Variants in SCNN1D observed in about 807,000 individuals in gnomAD.
SCNN1D encodes the protein epithelial sodium channel subunit delta.
A neutral mutation model predicts 87.8 loss-of-function variants in SCNN1D; 104 were observed. The ratio of observed to expected loss-of-function variants is 1.18; its 90% CI spans 1.01 to 1.39. The LOEUF (loss-of-function observed/expected upper bound fraction) is 1.39. Among genes scored for constraint, SCNN1D ranks in the 40% most tolerant of loss-of-function variants. The pLI, the probability that SCNN1D is intolerant of heterozygous loss-of-function variation, is 0.00. For missense variants in SCNN1D, 1,324 were observed against 1,093.9 expected (o/e 1.21, Z -2.97); for synonymous variants, 628 against 481.2 (o/e 1.31, Z -3.99).
chr1:1,291,468 C>T lies in SCNN1D; in HGVS notation c.2267C>T (p.Pro756Leu), dbSNP rs548049700. 2 of 1,608,528 alleles carry T rather than the reference C, an allele frequency of 1.2e-6. No homozygotes were observed. The highest frequency in any genetic ancestry group is 1.3e-5 in the African/African-American group (1 of 74,974). ...SSIKPEASQM[P>L]PPAGGTSDDP... Reference sequence around the variant, plus strand: ...ATCAAGCCAGAGGCCAGTCAGATGCCCCCGCCTGCAGGCGGCACGTCAGAT... The same window carrying T: ...ATCAAGCCAGAGGCCAGTCAGATGCTCCCGCCTGCAGGCGGCACGTCAGAT... The change falls in exon 18 of 18, where the codon CCC becomes CTC. Residue 756 changes from proline (P) to leucine (L), a missense_variant. Physicochemically the swap from Pro to Leu is moderately conservative, Grantham distance 98. Coordinates refer to ENST00000379116, the MANE Select transcript of SCNN1D (RefSeq NM_001130413.4).
chr1:1,282,183 G>C lies in SCNN1D; in HGVS notation c.278-59G>C. 5 of 1,001,312 alleles carry C rather than the reference G, an allele frequency of 5.0e-6. No homozygotes were observed. The East Asian group carries it at 1.3e-4, about 26-fold the overall frequency. The allele number at this position is 1,001,312 out of a possible 1,614,324, so 62.0% of individuals were successfully genotyped here. The stretch of plus-strand genomic sequence containing the variant: ...TCTGGCACTCAAGGAAATCAGCTCA[G>C]AGAGGTTGAGTAACTCGGGAAGGCC... On this transcript the variant is annotated intron_variant, in intron 3 of 17. Coordinates refer to ENST00000379116, the MANE Select transcript of SCNN1D (RefSeq NM_001130413.4).
chr1:1,288,059 G>A lies in SCNN1D; in HGVS notation c.1662+22G>A, dbSNP rs1162818788. ...GCAGGTGAGGCTGGGCTGGCAGGGG[G>A]TGCGGGGGCAGGTGAGGCTGGGCTG... On this transcript the variant is annotated intron_variant, in intron 12 of 17. Transcript: ENST00000379116. The A allele has an allele frequency of 1.2e-5, 18 of 1,499,734 alleles. No homozygotes were observed. In the Admixed American group the frequency reaches 1.9e-4, roughly 16 times the overall value. The allele number at this position is 1,499,734 out of a possible 1,614,324, so 92.9% of individuals were successfully genotyped here.
intron 15 of SCNN1D, 58 bp downstream of exon 15, chr1:1,290,752 C>T (rs997397238): frequency 1.3e-6 from 2 of 1,599,936 alleles, no homozygotes; most frequent in East Asian, 2.2e-5. Context: ...CCCACAGGTC[C>T]CACAGAGCCC....
In SCNN1D at chr1:1,288,360, CT is replaced by C. The variant is rs1640675126; in HGVS notation, c.1662+324del. 1.6e-4 allele frequency among the ~76,000 whole-genome samples: 9 copies of C among 57,192 alleles called. 1 individual carries two copies. The highest frequency in any genetic ancestry group is 1.9e-4 in the Admixed American group (1 of 5,354). The allele number at this position is 57,192 out of a possible 152,430, so 37.5% of individuals were successfully genotyped here. ...CTCTGCCCCGTCCCCCGTGTCTCTGCTCCGTCCCGTGTCCCTGCTCCGTCCC... is the reference window on the plus strand; with the variant it reads ...CTCTGCCCCGTCCCCCGTGTCTCTGCCCGTCCCGTGTCCCTGCTCCGTCCC... On this transcript the variant is annotated intron_variant, in intron 12 of 17. Transcript: ENST00000379116.
rs1290143256 is a variant in SCNN1D at position 1,281,260 on chromosome 1, C to T, written c.40C>T (p.Arg14Cys). ...GTCACAGAAGACAACACCGCTCCCT[C>T]GTTACCTGTGGCCCGGCCACCTCAG... ...VLSQKTTPLP[R>C]YLWPGHLSGP... Residue 14 changes from arginine to cysteine, a missense_variant, in exon 2 of 18, where the codon CGT becomes TGT. Arg to Cys is a radical substitution (Grantham distance 180, BLOSUM62 -3). Transcript: ENST00000379116. 12 of 1,535,744 alleles carry T rather than the reference C, an allele frequency of 7.8e-6. No individual in the cohort carries two copies. The highest frequency in any genetic ancestry group is 1.7e-4 in the Middle Eastern group (1 of 5,952).
Position 1,288,266 on chromosome 1 carries a change from T to C in SCNN1D, c.1662+229T>C, listed in dbSNP as rs1428294399. Among the ~76,000 whole-genome samples the C allele has an allele frequency of 2.4e-3, 253 of 107,276 alleles. 4 individuals are homozygous for C. In the East Asian group the frequency reaches 0.047, roughly 20 times the overall value. 70.4% of individuals were successfully genotyped at this position (107,276 alleles called of 152,430 possible). A position where few individuals can be genotyped will look rare whatever the true frequency, so the allele number is the denominator to read the frequency against. The stretch of plus-strand genomic sequence containing the variant: ...GTGTCTCTGCTCCGTCCCGTGTCTC[T>C]GCTCCGTCCCCCGAGTCTCTGCTCC... On this transcript the variant is annotated intron_variant, in intron 12 of 17. Transcript: ENST00000379116.
In SCNN1D at chr1:1,291,407, T is replaced by A; in HGVS notation, c.2206T>A (p.Trp736Arg). Residue 736 changes from tryptophan (W) to arginine (R), a missense_variant, in exon 18 of 18, where the codon TGG becomes AGG. Trp to Arg is a moderately radical substitution (Grantham distance 101). Transcript: ENST00000379116. ...GRRLRRAWFS[W>R]PRASPASGAS... Reference sequence around the variant, plus strand: ...CCGGCTCCGCAGGGCGTGGTTCTCCTGGCCCAGAGCCAGCCCTGCCTCAGG... The same window carrying A: ...CCGGCTCCGCAGGGCGTGGTTCTCCAGGCCCAGAGCCAGCCCTGCCTCAGG... The A allele has an allele frequency of 6.2e-7, 1 of 1,608,190 alleles. No individual in the cohort carries two copies. The highest frequency in any genetic ancestry group is 8.5e-7 in the Non-Finnish European group (1 of 1,178,164).
In SCNN1D at chr1:1,291,150, G is replaced by T. The variant is rs756872882; in HGVS notation, c.2052+10G>T. 5.0e-5 allele frequency: 80 copies of T among 1,610,624 alleles called. No individual in the cohort carries two copies. Among genetic ancestry groups the T allele is most frequent in the Non-Finnish European group, 6.6e-5 (78 of 1,179,130 alleles). ...GGCGCCCGTGTACTCGGTGAGCCTT[G>T]GCCCCCTGCCTGGGCTAGAGCGGGG... On this transcript the variant is annotated intron_variant, in intron 17 of 17. Coordinates refer to ENST00000379116, the MANE Select transcript of SCNN1D (RefSeq NM_001130413.4).
rs140544860 is a variant in SCNN1D at position 1,290,374 on chromosome 1, G to T, written c.1766G>T (p.Arg589Leu). The stretch of plus-strand genomic sequence containing the variant: ...GGGGCTGAGTACTGCAGCTCTGCCC[G>T]GCACCCTGCCTGGGGTGAGTCCTGC... Reference protein sequence around the residue: ...PAGAEYCSSARHPAWGHCFYR... With the variant: ...PAGAEYCSSALHPAWGHCFYR... The change falls in exon 13 of 18, where the codon CGG (arginine) becomes CTG (leucine). Residue 589 changes from arginine (R) to leucine (L), a missense_variant. Arg to Leu is a moderately radical substitution (Grantham distance 102, BLOSUM62 -2). Transcript: ENST00000379116. The T allele has an allele frequency of 6.2e-7, 1 of 1,601,344 alleles. No homozygotes were observed. Among genetic ancestry groups the T allele is most frequent in the African/African-American group, 1.3e-5 (1 of 74,822 alleles).
intron 7 of SCNN1D, among the ~76,000 whole-genome samples, 173 bp from the exon 8 acceptor site, chr1:1,286,595 C>T (rs1047096236): frequency 6.6e-6 from 1 of 152,082 alleles, no homozygotes; most frequent in South Asian, 2.1e-4. Flanking sequence ...GGCTGGGCTC[C>T]GGGGCCGACC....
chr1:1,287,185 T>A lies in SCNN1D; in HGVS notation c.1196T>A (p.Phe399Tyr). ...GCGGCTGTCCAGGACTGGTACCACT[T>A]CCACTATGTGGATATCCTGGCCCTG... ...GVAAVQDWYHFHYVDILALLP... is the reference protein window; with the variant it reads ...GVAAVQDWYHYHYVDILALLP... Residue 399 changes from phenylalanine (F) to tyrosine (Y), a missense_variant, in exon 9 of 18, where the codon TTC becomes TAC. Transcript: ENST00000379116. The A allele has an allele frequency of 6.2e-7, 1 of 1,612,244 alleles. No homozygotes were observed. Among genetic ancestry groups the A allele is most frequent in the African/African-American group, 1.3e-5 (1 of 75,028 alleles).
intron 4 of SCNN1D, among the ~76,000 whole-genome samples, chr1:1,283,612 T>G (rs1282439817): frequency 1.3e-5 from 2 of 152,188 alleles, no homozygotes; most frequent in East Asian, 3.9e-4. Context: ...GCAGGAGAAT[T>G]GCTTCAACTC....
rs561509392 is a variant in SCNN1D at position 1,289,515 on chromosome 1, G to GTC, written c.1663-754_1663-753dup. ...CCCGTGTCTCTGCTCCGTCCCCCGT[G>GTC]TCTGCTCCGTCCCGTGTCCCTGCTC... On this transcript the variant is annotated intron_variant, in intron 12 of 17. Transcript: ENST00000379116. 0.016 allele frequency among the ~76,000 whole-genome samples: 14 copies of GTC among 862 alleles called. 5 individuals carry two copies. In the East Asian group the frequency reaches 0.4, roughly 25 times the overall value. The allele number at this position is 862 out of a possible 152,430, so 0.6% of individuals were successfully genotyped here.
At position 1,283,959 on chromosome 1, in the gene SCNN1D, G is replaced by A. The variant is rs956471201; in HGVS notation, c.352-19G>A. On this transcript the variant is annotated intron_variant, in intron 4 of 17. Coordinates refer to ENST00000379116, the MANE Select transcript of SCNN1D (RefSeq NM_001130413.4). ...CGCCTGCAGCACAGTCCCACGCCCAGCCAGCCTGTTTTAAATAGGAGGCCA... is the reference window on the plus strand; with the variant it reads ...CGCCTGCAGCACAGTCCCACGCCCAACCAGCCTGTTTTAAATAGGAGGCCA... The A allele has an allele frequency of 1.7e-5, 25 of 1,430,526 alleles. No individual in the cohort carries two copies. The highest frequency in any genetic ancestry group is 6.1e-5 in the African/African-American group (4 of 65,280). The allele number at this position is 1,430,526 out of a possible 1,614,324, so 88.6% of individuals were successfully genotyped here.
In SCNN1D at chr1:1,285,760, G is replaced by A. The variant is rs1362771405; in HGVS notation, c.558+96G>A. 4.1e-6 allele frequency: 5 copies of A among 1,228,650 alleles called. No homozygotes were observed. The Admixed American group carries it at 7.8e-5, about 19-fold the overall frequency. 76.1% of individuals were successfully genotyped at this position (1,228,650 alleles called of 1,614,324 possible). On this transcript the variant is annotated intron_variant, in intron 6 of 17. Transcript: ENST00000379116. ...CTACACTGAGACGTGTCAGGGACGG[G>A]TGTATCCGGGGAGAAGGGCGCAGTG...
At chr1:1,285,498 G>A (rs897245219) in intron 5 of SCNN1D, 73 bp from the exon 6 acceptor site, 71 of 1,061,518 alleles carry the variant, frequency 6.7e-5, no homozygotes, top group Non-Finnish European at 8.9e-5. Context: ...GGGGCAAGAA[G>A]GGCAAGTCTT....
intron 4 of SCNN1D, 67 bp from the exon 5 acceptor site, chr1:1,283,911 G>A: frequency 2.3e-6 from 2 of 878,328 alleles, no homozygotes; most frequent in East Asian, 3.9e-5. Context: ...GGCAGGTGTG[G>A]CTGCCCTGGC....
chr1:1,280,846 G>T, intron 1 of SCNN1D, 180 bp downstream of exon 1: 1 of 595,518 alleles, frequency 1.7e-6, no homozygotes, highest in Non-Finnish European at 3.0e-6. Flanking sequence ...GGGGACACCG[G>T]CCAGACCCCA....
chr1:1,285,698 C>T, intron 6 of SCNN1D, 34 bp downstream of exon 6: 1 of 1,467,604 alleles, frequency 6.8e-7, no homozygotes, highest in Non-Finnish European at 9.1e-7. Context: ...CTGAGTCCTG[C>T]TGCCCCAGCA....
Sources: gnomAD v4.1 joint callset for allele counts (sites outside exome capture counted in the v4.1 genomes callset) on GRCh38, gnomAD v4.1.1 for gene constraint, MANE v1.5 for transcripts, NCBI Gene and HGNC (gene_info 2026-07-23, HGNC 2026-07-21) for gene names.